The following RAB3C variants were observed in gnomAD, a reference collection of about 807,000 sequenced individuals.
The protein encoded by RAB3C is RAB3C, member RAS oncogene family, also known as ras-related protein Rab-3C.
RAB3C carries 17 observed loss-of-function variants against 26.4 expected under a neutral mutation model. That is an observed-to-expected ratio of 0.64 (90% confidence interval 0.44 to 0.97). The LOEUF is 0.97. Among genes scored for constraint, RAB3C ranks in the 50% least tolerant of loss-of-function variants. The pLI, the probability that RAB3C is intolerant of heterozygous loss-of-function variation, is 0.00. For missense variants in RAB3C, 242 were observed against 281.9 expected (o/e 0.86, Z 1.01); for synonymous variants, 91 against 95.9 (o/e 0.95, Z 0.30).
intron 3 of RAB3C, among the ~76,000 whole-genome samples, chr5:58,758,737 C>T (rs940099904): frequency 1.3e-5 from 2 of 152,116 alleles, no homozygotes; most frequent in Non-Finnish European, 2.9e-5. Flanking sequence ...TAAAGGATGA[C>T]GACCAAAGTA....
At chr5:58,629,172 A>G (rs73759513) in intron 2 of RAB3C, among the ~76,000 whole-genome samples, 6,870 of 152,046 alleles carry the variant, frequency 0.045, 304 homozygotes, top group African/African-American at 0.12. Flanking sequence ...GATTTTTTTA[A>G]ATTTTTTTTG....
chr5:58,663,588 A>G (rs1747946761), intron 2 of RAB3C, among the ~76,000 whole-genome samples: 1 of 142,740 alleles, frequency 7.0e-6, no homozygotes, highest in African/African-American at 3.1e-5. Flanking sequence ...CTAAAAGTAA[A>G]TGTTACTTGG....
At chr5:58,778,563 G>A (rs1742200994) in intron 3 of RAB3C, among the ~76,000 whole-genome samples, 1 of 152,130 alleles carries the variant, frequency 6.6e-6, no homozygotes, top group Non-Finnish European at 1.5e-5. Context: ...TTCTGGCACT[G>A]CCTAGTAATT....
chr5:58,793,438 T>C (rs1726156339), intron 3 of RAB3C, among the ~76,000 whole-genome samples: 2 of 150,654 alleles, frequency 1.3e-5, no homozygotes, highest in Non-Finnish European at 2.9e-5. Flanking sequence ...ACGCCTGTAG[T>C]CCCAGCTACT....
At chr5:58,628,508 C>T (rs188957067) in intron 2 of RAB3C, among the ~76,000 whole-genome samples, 60 of 152,250 alleles carry the variant, frequency 3.9e-4, no homozygotes, top group African/African-American at 1.4e-3. Flanking sequence ...TTTTAGAACA[C>T]AGCCACTGCC....
At chr5:58,809,658 T>C (rs1418560924) in intron 3 of RAB3C, among the ~76,000 whole-genome samples, 1 of 152,114 alleles carries the variant, frequency 6.6e-6, no homozygotes, top group Non-Finnish European at 1.5e-5. Flanking sequence ...GAGAGGTAAT[T>C]AGTTTTAAAC....
At chr5:58,612,532 A>ATGTATATATATATACG (rs1250393146) in intron 1 of RAB3C, among the ~76,000 whole-genome samples, 1 of 87,204 alleles carries the variant, frequency 1.1e-5, no homozygotes, top group African/African-American at 4.3e-5. Context: ...ATATATATAT[A>ATGTATATATATATACG]TATATATATA....
chr5:58,858,321 T>G lies in RAB3C; in HGVS notation c.*6970T>G, dbSNP rs1043617800. The G allele has an allele frequency of 6.6e-6, 1 of 152,164 alleles. No homozygotes were observed. The highest frequency in any genetic ancestry group is 2.4e-5 in the African/African-American group (1 of 41,438). 9.4% of individuals were successfully genotyped at this position (152,164 alleles called of 1,614,324 possible). On this transcript the variant is annotated 3_prime_UTR_variant, in exon 5 of 5. Transcript: ENST00000282878. ...GATTAGTGACAACTTTGTGCCAAAT[T>G]TTTTAAAAAATGGAAGCAGGTAGCC...
At chr5:58,837,188 CT>C (rs981211222) in intron 4 of RAB3C, among the ~76,000 whole-genome samples, 2 of 151,658 alleles carry the variant, frequency 1.3e-5, no homozygotes, top group Non-Finnish European at 2.9e-5. Flanking sequence ...TGTCTTTTTT[CT>C]TTTTTTCTTG....
At chr5:58,630,442 A>G (rs1417057430) in intron 2 of RAB3C, among the ~76,000 whole-genome samples, 2 of 152,222 alleles carry the variant, frequency 1.3e-5, no homozygotes, top group Non-Finnish European at 2.9e-5. Context: ...TTTTAAAATA[A>G]CAATAAACCC....
chr5:58,720,991 A>T (rs560957035), intron 2 of RAB3C, among the ~76,000 whole-genome samples: 1 of 151,984 alleles, frequency 6.6e-6, no homozygotes, highest in South Asian at 2.1e-4. Flanking sequence ...AGAAGGTTTT[A>T]AGAATTCAGT....
At chr5:58,647,707 C>G (rs1260436849) in intron 2 of RAB3C, 1 of 152,184 alleles carries the variant, frequency 6.6e-6, no homozygotes, top group Non-Finnish European at 1.5e-5. Flanking sequence ...TGCGTTGCAT[C>G]CAGGGTAAGT....
chr5:58,693,338 A>ATG (rs1232622191), intron 2 of RAB3C, among the ~76,000 whole-genome samples: 13 of 124,538 alleles, frequency 1.0e-4, no homozygotes, highest in East Asian at 4.4e-4. Flanking sequence ...ATATATGTGT[A>ATG]TATATATATA....
intron 2 of RAB3C, among the ~76,000 whole-genome samples, chr5:58,642,371 T>C (rs1468693328): frequency 2.0e-5 from 3 of 152,202 alleles, no homozygotes; most frequent in African/African-American, 4.8e-5. Flanking sequence ...TGATTTTTCT[T>C]CTACCTGAGC....
intron 2 of RAB3C, among the ~76,000 whole-genome samples, chr5:58,694,044 T>C (rs191055890): frequency 1.9e-3 from 287 of 152,302 alleles, no homozygotes; most frequent in South Asian, 3.3e-3. Flanking sequence ...TAACTCATTA[T>C]TGACATTAGG....
At position 58,791,348 on chromosome 5, in the gene RAB3C, A is replaced by G. The variant is rs575608435; in HGVS notation, c.372-33690A>G. ...GTGCTCAAACCACCTGGGACTCACAATGGGAGAAGGGTGAATACACAGGAG... is the reference window on the plus strand; with the variant it reads ...GTGCTCAAACCACCTGGGACTCACAGTGGGAGAAGGGTGAATACACAGGAG... On this transcript the variant is annotated intron_variant, in intron 3 of 4. Transcript: ENST00000282878. 3.0e-4 allele frequency among the ~76,000 whole-genome samples: 46 copies of G among 152,256 alleles called. 1 individual carries two copies. In the South Asian group the frequency reaches 8.7e-3, roughly 29 times the overall value.
intron 4 of RAB3C, among the ~76,000 whole-genome samples, chr5:58,837,874 T>C (rs1554021746): frequency 6.6e-6 from 1 of 152,164 alleles, no homozygotes; most frequent in Non-Finnish European, 1.5e-5. Flanking sequence ...TCAATCTTTG[T>C]TGGTTGTATG....
chr5:58,819,917 G>T (rs968163753), intron 3 of RAB3C, among the ~76,000 whole-genome samples: 2 of 151,930 alleles, frequency 1.3e-5, no homozygotes, highest in African/African-American at 4.8e-5. Context: ...GGCTTCTTAT[G>T]ATCACTATGC....
At chr5:58,822,618 G>T in intron 3 of RAB3C, 1 of 313,026 alleles carries the variant, frequency 3.2e-6, no homozygotes. Context: ...CTGTGATACA[G>T]GATAAAAATA....
Sources: allele counts gnomAD v4.1 joint callset (sites outside exome capture counted in the v4.1 genomes callset), GRCh38; gene constraint gnomAD v4.1.1; transcripts MANE v1.5; gene names NCBI Gene and HGNC (gene_info 2026-07-23, HGNC 2026-07-21).